BRIP1: variants seen among roughly 807,000 people sequenced by gnomAD.
The protein encoded by BRIP1 is Fanconi anemia group J protein.
In BRIP1, 88 loss-of-function variants were observed where a neutral mutation model predicts 119.7. The ratio of observed to expected loss-of-function variants is 0.74; its 90% CI spans 0.62 to 0.88. BRIP1 has a LOEUF of 0.88. Ranked by LOEUF, BRIP1 falls within the 40% of genes least tolerant of loss-of-function variation. BRIP1 has a pLI of 0.00. For synonymous variants in BRIP1, 443 were observed against 496.5 expected (o/e 0.89, Z 1.43); for missense variants, 1,259 against 1,455.4 (o/e 0.87, Z 2.20).
In BRIP1 at chr17:61,804,954, CTGTGTGTGTGTGTGTG is replaced by C. The variant is rs59414906; in HGVS notation, c.919-3496_919-3481del. On this transcript the variant is annotated intron_variant, in intron 7 of 19. Transcript: ENST00000259008. The surrounding 1 kb of genome is among the most constrained non-coding windows in gnomAD (Gnocchi z 4.5). The stretch of plus-strand genomic sequence containing the variant: ...GGCAGGATGAAATGTCTCTCTCTTT[CTGTGTGTGTGTGTGTG>C]TGTGTGTGTGTGTGTGTGTGTGTGT... Among the ~76,000 whole-genome samples the C allele has an allele frequency of 0.01, 1,401 of 139,218 alleles. 11 individuals carry two copies. Among genetic ancestry groups the C allele is most frequent in the African/African-American group, 0.022 (806 of 37,016 alleles). 91.3% of individuals were successfully genotyped at this position (139,218 alleles called of 152,430 possible).
chr17:61,781,938 T>G (rs7207212), intron 11 of BRIP1, among the ~76,000 whole-genome samples: 147,172 of 149,130 alleles, frequency 0.99, 72,653 homozygotes, highest in East Asian at 1. Flanking sequence ...AAAAAAAAAG[T>G]AAAATGTGAT....
intron 8 of BRIP1, 104 bp downstream of exon 8, chr17:61,801,149 C>T (rs2077983453): frequency 4.0e-6 from 4 of 1,001,320 alleles, no homozygotes; most frequent in East Asian, 2.6e-5. Context: ...AATTTATTTA[C>T]ATAAATTAAA....
chr17:61,694,106 T>C (rs1424410292), intron 17 of BRIP1, among the ~76,000 whole-genome samples: 3 of 152,152 alleles, frequency 2.0e-5, no homozygotes, highest in African/African-American at 7.2e-5. Context: ...TTTTTAATAA[T>C]TATTAAACAA....
rs868259072 is a variant in BRIP1, at chr17:61,708,911, G to A, written c.2492+7040C>T. ...GCCTACTCAGAGCTGAAAAGAAAAG[G>A]GGGGTGGAGTTCTCACATTCAGTAT... On this transcript the variant is annotated intron_variant, in intron 17 of 19. Transcript: ENST00000259008. The surrounding 1 kb of genome is among the most constrained non-coding windows in gnomAD (Gnocchi z 4.4). 6.6e-6 allele frequency among the ~76,000 whole-genome samples: 1 copy of A among 152,132 alleles called. No individual in the cohort carries two copies. The highest frequency in any genetic ancestry group is 2.1e-4 in the South Asian group (1 of 4,822).
chr17:61,728,824 A>G (rs186281853), intron 16 of BRIP1, among the ~76,000 whole-genome samples: 5 of 152,282 alleles, frequency 3.3e-5, no homozygotes, highest in Non-Finnish European at 7.4e-5. Context: ...TCCAGAAATG[A>G]TATCTCCAGG....
chr17:61,731,676 T>A (rs2076844785), intron 16 of BRIP1, among the ~76,000 whole-genome samples: 1 of 152,160 alleles, frequency 6.6e-6, no homozygotes, highest in African/African-American at 2.4e-5. Flanking sequence ...CAGTGTCAGG[T>A]TAAATATCAC....
rs1248854915 is a variant in BRIP1 at position 61,713,076 on chromosome 17, A to G, written c.2492+2875T>C. 6.6e-6 allele frequency among the ~76,000 whole-genome samples: 1 copy of G among 152,204 alleles called. No individual in the cohort carries two copies. Among genetic ancestry groups the G allele is most frequent in the East Asian group, 1.9e-4 (1 of 5,200 alleles). ...CCCATAAGATTATAATGGAGCTGAA[A>G]AATTCCTATCACCTAGTGATGTCAC... On this transcript the variant is annotated intron_variant, in intron 17 of 19. Coordinates refer to ENST00000259008, the MANE Select transcript of BRIP1 (RefSeq NM_032043.3). The surrounding 1 kb of genome is among the most constrained non-coding windows in gnomAD (Gnocchi z 4.9).
chr17:61,861,920 A>C lies in BRIP1; in HGVS notation c.-30-351T>G. 1 of 297,222 alleles carries C rather than the reference A, an allele frequency of 3.4e-6. No homozygotes were observed. Among genetic ancestry groups the C allele is most frequent in the South Asian group, 3.4e-5 (1 of 29,506 alleles). 18.4% of individuals were successfully genotyped at this position (297,222 alleles called of 1,614,324 possible). A position where few individuals can be genotyped will look rare whatever the true frequency, so the allele number is the denominator to read the frequency against. ...TGATAAAGTACATACCAGATTAAACATGAGCTCTTGTAACAGTTAGATCAG... is the reference window on the plus strand; with the variant it reads ...TGATAAAGTACATACCAGATTAAACCTGAGCTCTTGTAACAGTTAGATCAG... On this transcript the variant is annotated intron_variant, in intron 1 of 19. Transcript: ENST00000259008. This position sits in a 1 kb window ranked among gnomAD's most constrained non-coding sequence, Gnocchi z 4.5.
At chr17:61,826,969 C>G (rs1304507253) in intron 6 of BRIP1, among the ~76,000 whole-genome samples, 2 of 152,114 alleles carry the variant, frequency 1.3e-5, no homozygotes, top group Non-Finnish European at 2.9e-5. Flanking sequence ...GACACATGCA[C>G]ACGTATGTTC....
rs2076745623 is a variant in BRIP1, at chr17:61,724,958, T to C, written c.2380-8895A>G. Among the ~76,000 whole-genome samples the C allele has an allele frequency of 6.6e-6, 1 of 152,180 alleles. No homozygotes were observed. Among genetic ancestry groups the C allele is most frequent in the South Asian group, 2.1e-4 (1 of 4,834 alleles). On this transcript the variant is annotated intron_variant, in intron 16 of 19. Coordinates refer to ENST00000259008, the MANE Select transcript of BRIP1 (RefSeq NM_032043.3). The surrounding 1 kb of genome is among the most constrained non-coding windows in gnomAD (Gnocchi z 5.1). ...CATTTGCTGCTCCGTATCATCATAG[T>C]GTAAACACTTCTATCAGGGTATCAC... is the stretch of plus-strand genomic sequence containing the variant.
chr17:61,816,858 T>C lies in BRIP1; in HGVS notation c.628-8101A>G, dbSNP rs1211880860. The stretch of plus-strand genomic sequence containing the variant: ...TGCCAGCTAAGAATTGTAAATAAAA[T>C]GATAGAATTTTAAAAATCACCATTT... On this transcript the variant is annotated intron_variant, in intron 6 of 19. Transcript: ENST00000259008. The surrounding 1 kb of genome is among the most constrained non-coding windows in gnomAD (Gnocchi z 5.0). Among the ~76,000 whole-genome samples the C allele has an allele frequency of 6.6e-6, 1 of 152,180 alleles. No individual in the cohort carries two copies. Among genetic ancestry groups the C allele is most frequent in the East Asian group, 1.9e-4 (1 of 5,194 alleles).
Position 61,786,353 on chromosome 17 carries a change from G to C in BRIP1, c.1474-1929C>G, listed in dbSNP as rs566416717. ...GAACCCACGTTATTTTTTTAAATGT[G>C]GTTAAATATCAGAAGAAACCACTAC... On this transcript the variant is annotated intron_variant, in intron 10 of 19. Coordinates refer to ENST00000259008, the MANE Select transcript of BRIP1 (RefSeq NM_032043.3). 2.0e-5 allele frequency among the ~76,000 whole-genome samples: 3 copies of C among 151,976 alleles called. No individual in the cohort carries two copies. The South Asian group carries it at 6.2e-4, about 32-fold the overall frequency.
At chr17:61,688,416 G>A (rs571363772) in intron 18 of BRIP1, among the ~76,000 whole-genome samples, 29 of 152,274 alleles carry the variant, frequency 1.9e-4, no homozygotes, top group African/African-American at 6.7e-4. Flanking sequence ...AGGAAGCCGA[G>A]GCTGCAATGA....
In BRIP1 at chr17:61,734,319, G is replaced by A. The variant is rs1395092821; in HGVS notation, c.2379+8694C>T. Among the ~76,000 whole-genome samples the A allele has an allele frequency of 2.0e-5, 3 of 152,116 alleles. No individual in the cohort carries two copies. The highest frequency in any genetic ancestry group is 1.3e-4 in the Admixed American group (2 of 15,270). ...TTTATTTTAGTTATACTTTTCCATC[G>A]ACATCTAGTCATATAAAAGCCTTGG... On this transcript the variant is annotated intron_variant, in intron 16 of 19. Coordinates refer to ENST00000259008, the MANE Select transcript of BRIP1 (RefSeq NM_032043.3). The surrounding 1 kb of genome is among the most constrained non-coding windows in gnomAD (Gnocchi z 5.2).
intron 6 of BRIP1, among the ~76,000 whole-genome samples, chr17:61,829,559 CCTAA>C (rs536564634): frequency 9.2e-4 from 140 of 151,530 alleles, no homozygotes; most frequent in Non-Finnish European, 1.3e-3. Flanking sequence ...ACAAACTTGA[CCTAA>C]CTGATTTTTA....
At position 61,796,046 on chromosome 17, in the gene BRIP1, A is replaced by G. The variant is rs191326157; in HGVS notation, c.1341-2317T>C. The stretch of plus-strand genomic sequence containing the variant: ...TTTCATATGTCTGATTGCCATTTGT[A>G]TGTCTTCTTTAGAGAAATGTCTATT... On this transcript the variant is annotated intron_variant, in intron 9 of 19. Coordinates refer to ENST00000259008, the MANE Select transcript of BRIP1 (RefSeq NM_032043.3). The surrounding 1 kb of genome is among the most constrained non-coding windows in gnomAD (Gnocchi z 4.8). 1.3e-5 allele frequency among the ~76,000 whole-genome samples: 2 copies of G among 152,138 alleles called. No homozygotes were observed. The highest frequency in any genetic ancestry group is 1.3e-4 in the Admixed American group (2 of 15,278).
At chr17:61,707,624 A>G (rs1346891576) in intron 17 of BRIP1, among the ~76,000 whole-genome samples, 3 of 152,052 alleles carry the variant, frequency 2.0e-5, no homozygotes, top group Non-Finnish European at 4.4e-5. Context: ...TCCAAGCCCT[A>G]TTATGCATTT....
rs1194055250 is a variant in BRIP1, at chr17:61,789,965, G to GT, written c.1473+3631dup. 3.3e-5 allele frequency among the ~76,000 whole-genome samples: 5 copies of GT among 151,946 alleles called. No individual in the cohort carries two copies. Among genetic ancestry groups the GT allele is most frequent in the African/African-American group, 1.2e-4 (5 of 41,352 alleles). On this transcript the variant is annotated intron_variant, in intron 10 of 19. Transcript: ENST00000259008. The surrounding 1 kb of genome is among the most constrained non-coding windows in gnomAD (Gnocchi z 4.8). ...TATTTGTACATTTTATAACTGACAT[G>GT]TAACATATACAGTAGAATGAACTAA...
At chr17:61,850,899 A>C (rs1018443129) in intron 4 of BRIP1, among the ~76,000 whole-genome samples, 3 of 152,040 alleles carry the variant, frequency 2.0e-5, no homozygotes, top group Non-Finnish European at 2.9e-5. Context: ...CTGATTTTCA[A>C]GTTTTTTCTA....
Sources: gnomAD v4.1 joint callset for allele counts (sites outside exome capture counted in the v4.1 genomes callset) on GRCh38, gnomAD v4.1.1 for gene constraint, Gnocchi (gnomAD v3.1) non-coding constraint, MANE v1.5 for transcripts, NCBI Gene and HGNC (gene_info 2026-07-23, HGNC 2026-07-21) for gene names.